Variants in KIAA1755 observed in about 807,000 individuals in gnomAD.
KIAA1755 encodes the protein uncharacterized protein KIAA1755.
KIAA1755 carries 68 observed loss-of-function variants against 91.7 expected under a neutral mutation model. That is an observed-to-expected ratio of 0.74 (90% CI 0.61 to 0.91). The LOEUF is 0.91. Among genes scored for constraint, KIAA1755 ranks in the 40% least tolerant of loss-of-function variants. The pLI is 0.00. For synonymous variants in KIAA1755, 610 were observed against 604.6 expected, an observed-to-expected ratio of 1.01 and a Z score of -0.13; for missense variants, 1,535 against 1,494.4, an observed-to-expected ratio of 1.03 and a Z score of -0.45.
At chr20:38,227,734 T>C (rs184560632) in intron 6 of KIAA1755, among the ~76,000 whole-genome samples, 59 of 152,354 alleles carry the variant, frequency 3.9e-4, no homozygotes, top group Non-Finnish European at 6.9e-4. Flanking sequence ...CTGAGACCTC[T>C]GGGAAAATAA....
intron 6 of KIAA1755, among the ~76,000 whole-genome samples, chr20:38,227,919 C>A (rs1022218536): frequency 1.3e-5 from 2 of 152,218 alleles, no homozygotes; most frequent in Non-Finnish European, 2.9e-5. Context: ...AATATCTGAG[C>A]CCTTGGATCA....
chr20:38,252,990 G>A (rs1261620830), intron 1 of KIAA1755, among the ~76,000 whole-genome samples: 1 of 152,212 alleles, frequency 6.6e-6, no homozygotes, highest in African/African-American at 2.4e-5. Flanking sequence ...CCAAACACCA[G>A]ACGTGGGCCC....
intron 5 of KIAA1755, among the ~76,000 whole-genome samples, chr20:38,230,775 C>T (rs1480409767): frequency 6.6e-6 from 1 of 151,926 alleles, no homozygotes; most frequent in Non-Finnish European, 1.5e-5. Flanking sequence ...GTAATCCCAG[C>T]TACTCGGGAG....
At chr20:38,252,617 C>T (rs113759916) in intron 1 of KIAA1755, among the ~76,000 whole-genome samples, 10 of 152,132 alleles carry the variant, frequency 6.6e-5, no homozygotes, top group African/African-American at 1.2e-4. Flanking sequence ...TGGGGACTGA[C>T]GATCCCAGCT....
At position 38,239,573 on chromosome 20, in the gene KIAA1755, C is replaced by G. The variant is rs1410093280; in HGVS notation, c.1702G>C (p.Ala568Pro). 1 of 1,612,976 alleles carries G rather than the reference C, an allele frequency of 6.2e-7. No homozygotes were observed. The highest frequency in any genetic ancestry group is 1.7e-5 in the Admixed American group (1 of 59,822). ...EPPGPEPRIG[A>P]LGVKVFRSRI... ...GAGCGGAAAACCTTGACACCTAGAGCCCCAATCCTGGGCTCAGGCCCTGGG... is the reference window on the plus strand; with the variant it reads ...GAGCGGAAAACCTTGACACCTAGAGGCCCAATCCTGGGCTCAGGCCCTGGG... Residue 568 changes from alanine to proline, a missense_variant, in exon 4 of 14, where the codon GCT becomes CCT. Physicochemically the swap from Ala to Pro is conservative, Grantham distance 27 (BLOSUM62 -1). Transcript: ENST00000279024.
At chr20:38,229,017 C>T (rs756097056) in intron 5 of KIAA1755, among the ~76,000 whole-genome samples, 27 of 152,162 alleles carry the variant, frequency 1.8e-4, no homozygotes, top group Admixed American at 8.5e-4. Flanking sequence ...CCATCCCCAC[C>T]CCTCTAGCCA....
chr20:38,223,687 G>T, intron 8 of KIAA1755, 51 bp from the exon 9 acceptor site: 1 of 1,401,134 alleles, frequency 7.1e-7, no homozygotes, highest in Non-Finnish European at 9.9e-7. Flanking sequence ...CAACCAGGAG[G>T]ATGCCTCTTG....
rs1370461153 is a variant in KIAA1755, at chr20:38,246,004, C to T, written c.126G>A (p.Gly42=). The T allele has an allele frequency of 8.7e-6, 14 of 1,614,202 alleles. 1 individual carries two copies. In the South Asian group the frequency reaches 1.5e-4, roughly 18 times the overall value. Residue 42 remains glycine (G), a synonymous_variant, in exon 2 of 14, where the codon GGG becomes GGA. Coordinates refer to ENST00000279024, the MANE Select transcript of KIAA1755 (RefSeq NM_001029864.2). ...VFRLLDSGFQ[G]DGLSFLLDFL... is the part of the protein sequence containing the mutation. ...AATCCAGAAGGAAGCTCAGCCCATC[C>T]CCCTGGAAGCCAGAGTCCAGGAGAC...
chr20:38,217,093 C>T (rs1170887510), intron 13 of KIAA1755, 160 bp downstream of exon 13: 2 of 645,362 alleles, frequency 3.1e-6, no homozygotes, highest in Non-Finnish European at 5.5e-6. Flanking sequence ...GGGGTGGTGT[C>T]TGTGCAAGTG....
intron 1 of KIAA1755, among the ~76,000 whole-genome samples, chr20:38,249,019 G>T (rs917718457): frequency 6.6e-6 from 1 of 151,902 alleles, no homozygotes; most frequent in Non-Finnish European, 1.5e-5. Flanking sequence ...TGGACCACAG[G>T]CACCCACCAC....
chr20:38,244,574 T>G (rs2076121105), intron 2 of KIAA1755, among the ~76,000 whole-genome samples: 1 of 152,124 alleles, frequency 6.6e-6, no homozygotes, highest in African/African-American at 2.4e-5. Context: ...GAGGCTGAGG[T>G]AGCAGGAGGG....
intron 1 of KIAA1755, among the ~76,000 whole-genome samples, chr20:38,255,455 G>A (rs1208955145): frequency 1.3e-5 from 2 of 152,202 alleles, no homozygotes; most frequent in Admixed American, 1.3e-4. Context: ...CTGATCTACT[G>A]ATTTTTCAGT....
intron 1 of KIAA1755, among the ~76,000 whole-genome samples, chr20:38,252,513 C>G (rs1397248130): frequency 2.6e-5 from 4 of 152,162 alleles, no homozygotes; most frequent in Non-Finnish European, 5.9e-5. Flanking sequence ...AAGAGAAAGA[C>G]AGAGCCAGGA....
chr20:38,247,608 C>G (rs79727681), intron 1 of KIAA1755, among the ~76,000 whole-genome samples: 1 of 152,208 alleles, frequency 6.6e-6, no homozygotes, highest in East Asian at 1.9e-4. Flanking sequence ...CCTCCAATGA[C>G]GCCCTCATCC....
intron 5 of KIAA1755, among the ~76,000 whole-genome samples, chr20:38,228,738 GGAAA>G (rs1272178212): frequency 6.6e-6 from 1 of 152,126 alleles, no homozygotes; most frequent in African/African-American, 2.4e-5. Context: ...AGTTTTCCAG[GGAAA>G]GAGGCTTCTG....
intron 4 of KIAA1755, among the ~76,000 whole-genome samples, chr20:38,236,610 C>A (rs1262597956): frequency 6.6e-6 from 1 of 152,160 alleles, no homozygotes; most frequent in African/African-American, 2.4e-5. Context: ...AGCCTTTCAA[C>A]AGGAGGAAGT....
intron 8 of KIAA1755, among the ~76,000 whole-genome samples, chr20:38,223,869 G>A (rs1158295792): frequency 6.6e-6 from 1 of 152,200 alleles, no homozygotes; most frequent in African/African-American, 2.4e-5. Context: ...CAAGTTCCCA[G>A]GTGTTGCTGA....
In KIAA1755 at chr20:38,212,922, T is replaced by C. The variant is rs532721302; in HGVS notation, c.*120A>G. 174 of 752,374 alleles carry C rather than the reference T, an allele frequency of 2.3e-4. No individual in the cohort carries two copies. The highest frequency in any genetic ancestry group is 3.4e-4 in the Non-Finnish European group (163 of 479,372). 46.6% of individuals were successfully genotyped at this position (752,374 alleles called of 1,614,324 possible). A position where few individuals can be genotyped will look rare whatever the true frequency, so the allele number is the denominator to read the frequency against. On this transcript the variant is annotated 3_prime_UTR_variant, in exon 14 of 14. Coordinates refer to ENST00000279024, the MANE Select transcript of KIAA1755 (RefSeq NM_001029864.2). Reference sequence around the variant, plus strand: ...TCTCATCCTCCCAGCAGAGGCAGAATGTAAAACCAGTGCTCCATGGTGACG... The same window carrying C: ...TCTCATCCTCCCAGCAGAGGCAGAACGTAAAACCAGTGCTCCATGGTGACG...
chr20:38,260,369 C>T (rs1450573096), intron 1 of KIAA1755, 129 bp downstream of exon 1: 1 of 1,594,596 alleles, frequency 6.3e-7, no homozygotes, highest in Non-Finnish European at 8.6e-7. Flanking sequence ...AAGCACAACC[C>T]TGCCAAGGCA....
Sources: allele counts gnomAD v4.1 joint callset (sites outside exome capture counted in the v4.1 genomes callset), GRCh38; gene constraint gnomAD v4.1.1; transcripts MANE v1.5; gene names NCBI Gene and HGNC (gene_info 2026-07-23, HGNC 2026-07-21).